The following ULK4 variants were observed in gnomAD, a reference collection of about 807,000 sequenced individuals.
ULK4 encodes the protein unc-51 like kinase 4.
A neutral mutation model predicts 160.6 loss-of-function variants in ULK4; 133 were observed. That is an observed-to-expected ratio of 0.83 (90% confidence interval 0.72 to 0.96). The LOEUF is 0.96. Ranked by LOEUF, ULK4 falls within the 40% of genes least tolerant of loss-of-function variation. The pLI, the probability that ULK4 is intolerant of heterozygous loss-of-function variation, is 0.00. For missense variants in ULK4, 1,580 were observed against 1,499.5 expected, an observed-to-expected ratio of 1.05 and a Z score of -0.89; for synonymous variants, 534 against 539.8, an observed-to-expected ratio of 0.99 and a Z score of 0.15.
At chr3:41,765,195 T>C (rs2039118031) in intron 21 of ULK4, among the ~76,000 whole-genome samples, 1 of 152,172 alleles carries the variant, frequency 6.6e-6, no homozygotes, top group African/African-American at 2.4e-5. Flanking sequence ...TAAGAAAATG[T>C]GGCACATATA....
intron 27 of ULK4, among the ~76,000 whole-genome samples, chr3:41,689,618 A>C (rs1470970882): frequency 2.0e-5 from 3 of 152,216 alleles, no homozygotes; most frequent in African/African-American, 7.2e-5. Context: ...ACCCCATCAA[A>C]AAGTGGGCAA....
intron 25 of ULK4, among the ~76,000 whole-genome samples, chr3:41,705,645 T>C (rs928246669): frequency 1.3e-5 from 2 of 152,238 alleles, no homozygotes; most frequent in Admixed American, 1.3e-4. Context: ...TACAGGCATG[T>C]GCCACCACGC....
At chr3:41,650,261 GC>G (rs2034685881) in intron 30 of ULK4, among the ~76,000 whole-genome samples, 1 of 152,150 alleles carries the variant, frequency 6.6e-6, no homozygotes, top group South Asian at 2.1e-4. Flanking sequence ...CCCACCAAAT[GC>G]CAGGACTGAA....
chr3:41,677,278 T>C (rs1280467339), intron 29 of ULK4, among the ~76,000 whole-genome samples: 2 of 151,824 alleles, frequency 1.3e-5, no homozygotes, highest in African/African-American at 2.4e-5. Flanking sequence ...TCTTTATAAA[T>C]GGTATTATAA....
At chr3:41,873,213 G>C (rs1197826606) in intron 17 of ULK4, among the ~76,000 whole-genome samples, 2 of 143,222 alleles carry the variant, frequency 1.4e-5, no homozygotes, top group Non-Finnish European at 3.0e-5. Flanking sequence ...GTAGGTAAAT[G>C]AGTTGCCTTT....
At chr3:41,865,034 G>A (rs1340515233) in intron 17 of ULK4, among the ~76,000 whole-genome samples, 1 of 152,036 alleles carries the variant, frequency 6.6e-6, no homozygotes, top group African/African-American at 2.4e-5. Flanking sequence ...GACTTTGGGA[G>A]GCCAAGGTGG....
chr3:41,812,179 A>G (rs1192062567), intron 19 of ULK4, among the ~76,000 whole-genome samples: 3 of 152,138 alleles, frequency 2.0e-5, no homozygotes. Context: ...TCAGCTACTC[A>G]GAGGCTGAGG....
intron 22 of ULK4, among the ~76,000 whole-genome samples, chr3:41,743,718 T>C (rs1290982460): frequency 6.6e-6 from 1 of 151,818 alleles, no homozygotes; most frequent in East Asian, 1.9e-4. Flanking sequence ...CAGGCTGGAG[T>C]GCAGTGGCAC....
intron 31 of ULK4, among the ~76,000 whole-genome samples, chr3:41,585,825 C>T (rs114890046): frequency 0.019 from 2,898 of 152,108 alleles, 43 homozygotes; most frequent in Middle Eastern, 0.044. Flanking sequence ...TCAATAACAA[C>T]AACAAAATTA....
chr3:41,716,744 G>T (rs1231666469), intron 23 of ULK4, among the ~76,000 whole-genome samples: 1 of 152,166 alleles, frequency 6.6e-6, no homozygotes. Context: ...TGGGATTTAA[G>T]CTACACATAC....
rs1035674918 is a variant in ULK4, at chr3:41,398,552, A to G, written c.3493-288T>C. Among the ~76,000 whole-genome samples, 4 of 62,040 alleles carry G rather than the reference A, an allele frequency of 6.4e-5. No homozygotes were observed. The South Asian group carries it at 1.9e-3, about 29-fold the overall frequency. 40.7% of individuals were successfully genotyped at this position (62,040 alleles called of 152,430 possible). A position where few individuals can be genotyped will look rare whatever the true frequency, so the allele number is the denominator to read the frequency against. ...ACACACACCATCATCATGCCCAGCT[A>G]ATTTTTTTTTTTTTTTTTTGGTAGA... On this transcript the variant is annotated intron_variant, in intron 34 of 36. Transcript: ENST00000301831.
chr3:41,411,722 C>A (rs373143007), intron 34 of ULK4, among the ~76,000 whole-genome samples: 4 of 152,130 alleles, frequency 2.6e-5, no homozygotes, highest in Admixed American at 2.6e-4. Flanking sequence ...CATGAGCCAC[C>A]GTGCCCAGCA....
intron 32 of ULK4, among the ~76,000 whole-genome samples, chr3:41,495,213 C>G (rs1251059233): frequency 2.6e-5 from 4 of 152,146 alleles, no homozygotes; most frequent in Non-Finnish European, 5.9e-5. Context: ...CAGCATGGTA[C>G]TGGTACCAAA....
At chr3:41,767,820 C>G (rs1199234728) in intron 21 of ULK4, among the ~76,000 whole-genome samples, 1 of 152,082 alleles carries the variant, frequency 6.6e-6, no homozygotes, top group Non-Finnish European at 1.5e-5. Context: ...AGGTTATTTT[C>G]TTCTGACACA....
intron 29 of ULK4, among the ~76,000 whole-genome samples, chr3:41,677,456 C>T (rs887274327): frequency 1.4e-4 from 22 of 151,820 alleles, no homozygotes; most frequent in Non-Finnish European, 8.8e-5. Flanking sequence ...CTCAGCCTCC[C>T]GAGTAGCTAG....
At chr3:41,735,770 CAT>C (rs766467958) in intron 22 of ULK4, among the ~76,000 whole-genome samples, 19 of 150,508 alleles carry the variant, frequency 1.3e-4, no homozygotes, top group Admixed American at 2.7e-4. Flanking sequence ...CATATGTATA[CAT>C]ATGTCATGTT....
At chr3:41,291,301 GGAAA>G (rs1333789160) in intron 35 of ULK4, among the ~76,000 whole-genome samples, 1 of 146,952 alleles carries the variant, frequency 6.8e-6, no homozygotes, top group East Asian at 2.0e-4. Context: ...AAGTATAAGA[GGAAA>G]GAAAGGAAGG....
chr3:41,553,831 C>T (rs1044042836), intron 32 of ULK4, among the ~76,000 whole-genome samples: 30 of 152,004 alleles, frequency 2.0e-4, no homozygotes, highest in African/African-American at 6.5e-4. Context: ...TATAAAAAAT[C>T]GAATTATACT....
intron 35 of ULK4, among the ~76,000 whole-genome samples, chr3:41,380,089 T>C (rs1469986751): frequency 6.6e-6 from 1 of 152,032 alleles, no homozygotes; most frequent in Admixed American, 6.6e-5. Context: ...CCAGTGATGA[T>C]AGAAAAATTA....
Sources: gnomAD v4.1 joint callset for allele counts (sites outside exome capture counted in the v4.1 genomes callset) on GRCh38, gnomAD v4.1.1 for gene constraint, MANE v1.5 for transcripts, NCBI Gene and HGNC (gene_info 2026-07-23, HGNC 2026-07-21) for gene names.